The following ARHGAP6 variants were observed in gnomAD, a reference collection of about 807,000 sequenced individuals.
ARHGAP6 encodes Rho GTPase activating protein 6.
Under a neutral mutation model 55.7 loss-of-function variants are expected in ARHGAP6, and 16 were observed. That is an observed-to-expected ratio of 0.29 (90% CI 0.19 to 0.44). The LOEUF (loss-of-function observed/expected upper bound fraction) is 0.44, where lower values mean the gene tolerates loss of function less well. ARHGAP6 is among the 20% of genes least tolerant of loss of function. The pLI, the probability that ARHGAP6 is intolerant of heterozygous loss-of-function variation, is 1.00. For synonymous variants in ARHGAP6, 382 were observed against 360.9 expected (o/e 1.06, Z -0.66); for missense variants, 698 against 808.9 (o/e 0.86, Z 1.66).
intron 1 of ARHGAP6, among the ~76,000 whole-genome samples, chrX:11,641,460 T>C (rs377483818): frequency 2.7e-5 from 3 of 111,604 alleles, no homozygotes; most frequent in East Asian, 5.6e-4. Flanking sequence ...TCTCAAAGTC[T>C]CAACATTTAA....
At chrX:11,608,533 G>A (rs771817480) in intron 1 of ARHGAP6, among the ~76,000 whole-genome samples, 1 of 111,236 alleles carries the variant, frequency 9.0e-6, no homozygotes, top group East Asian at 2.8e-4. Context: ...GACAAGTCTG[G>A]CTATGAGACA....
intron 1 of ARHGAP6, among the ~76,000 whole-genome samples, chrX:11,575,197 A>C (rs774448334): frequency 2.4e-3 from 268 of 111,691 alleles, no homozygotes; most frequent in Non-Finnish European, 4.3e-3. Context: ...GCCATTTTCT[A>C]GGCCATTCCA....
intron 1 of ARHGAP6, among the ~76,000 whole-genome samples, chrX:11,630,939 C>T (rs916567185): frequency 6.3e-5 from 7 of 110,730 alleles, no homozygotes; most frequent in African/African-American, 1.6e-4. Flanking sequence ...GTAGGATTAT[C>T]GAGAGGATGG....
chrX:11,562,501 G>T (rs746056952), intron 1 of ARHGAP6, among the ~76,000 whole-genome samples: 12 of 111,878 alleles, frequency 1.1e-4, no homozygotes, highest in Non-Finnish European at 1.9e-4. Flanking sequence ...ATTTGGATTT[G>T]TTTCTTTTAA....
intron 2 of ARHGAP6, among the ~76,000 whole-genome samples, chrX:11,237,026 T>C (rs779059553): frequency 1.8e-5 from 2 of 112,824 alleles, no homozygotes; most frequent in East Asian, 5.6e-4. Context: ...GTCTGGATGA[T>C]GGGCAAGAAG....
intron 1 of ARHGAP6, among the ~76,000 whole-genome samples, chrX:11,607,515 G>C (rs2052049337): frequency 8.9e-6 from 1 of 112,223 alleles, no homozygotes; most frequent in Non-Finnish European, 1.9e-5. Context: ...ATTATTTAGT[G>C]TTCAGAGATG....
chrX:11,445,487 T>A (rs1469162679), intron 1 of ARHGAP6, among the ~76,000 whole-genome samples: 1 of 112,088 alleles, frequency 8.9e-6, no homozygotes, highest in East Asian at 2.8e-4. Context: ...TGTGTGGACA[T>A]CCTACACACA....
At chrX:11,451,544 G>C (rs972725442) in intron 1 of ARHGAP6, among the ~76,000 whole-genome samples, 2 of 112,080 alleles carry the variant, frequency 1.8e-5, no homozygotes, top group African/African-American at 6.5e-5. Context: ...ATATGAAAGC[G>C]AATCTAGCAA....
intron 1 of ARHGAP6, among the ~76,000 whole-genome samples, chrX:11,564,417 C>T (rs1444979030): frequency 1.8e-5 from 2 of 109,858 alleles, no homozygotes; most frequent in African/African-American, 3.3e-5. Context: ...AAATTAAGGG[C>T]CCATAAGTGC....
At chrX:11,458,052 T>A (rs2050209775) in intron 1 of ARHGAP6, among the ~76,000 whole-genome samples, 1 of 112,159 alleles carries the variant, frequency 8.9e-6, no homozygotes, top group Non-Finnish European at 1.9e-5. Flanking sequence ...CTGACATCTT[T>A]ACTTTGTGAT....
intron 1 of ARHGAP6, among the ~76,000 whole-genome samples, chrX:11,573,861 T>C (rs969772969): frequency 9.0e-6 from 1 of 111,571 alleles, no homozygotes; most frequent in African/African-American, 3.3e-5. Flanking sequence ...TTTTATTTCA[T>C]AGAGCAGTGG....
intron 1 of ARHGAP6, among the ~76,000 whole-genome samples, chrX:11,312,893 G>T (rs1323845634): frequency 9.0e-6 from 1 of 111,006 alleles, no homozygotes; most frequent in Non-Finnish European, 1.9e-5. Context: ...TCCAATTCCA[G>T]CCCCCATCAC....
intron 1 of ARHGAP6, among the ~76,000 whole-genome samples, chrX:11,641,079 GA>G (rs34337605): frequency 0.33 from 35,614 of 108,881 alleles, 4,516 homozygotes; most frequent in African/African-American, 0.44. Flanking sequence ...TAGTAAGTGG[GA>G]AAAAAATATA....
At chrX:11,293,020 A>T (rs1365878171) in intron 1 of ARHGAP6, among the ~76,000 whole-genome samples, 2 of 112,458 alleles carry the variant, frequency 1.8e-5, no homozygotes, top group Non-Finnish European at 3.8e-5. Flanking sequence ...GGGCTGGAAA[A>T]ATCCTGGAGG....
chrX:11,216,065 G>A (rs2147402078), intron 2 of ARHGAP6, among the ~76,000 whole-genome samples: 1 of 111,211 alleles, frequency 9.0e-6, no homozygotes, highest in Admixed American at 9.6e-5. Context: ...TTGCAAAAAT[G>A]CCTCTGTAAA....
At chrX:11,304,243 C>T (rs1393947191) in intron 1 of ARHGAP6, among the ~76,000 whole-genome samples, 1 of 110,334 alleles carries the variant, frequency 9.1e-6, no homozygotes, top group Non-Finnish European at 1.9e-5. Flanking sequence ...GAGTGAGCCA[C>T]CACACCCAGC....
At chrX:11,203,447 A>G (rs1459134285) in intron 2 of ARHGAP6, among the ~76,000 whole-genome samples, 2 of 111,754 alleles carry the variant, frequency 1.8e-5, no homozygotes, top group Non-Finnish European at 3.8e-5. Context: ...ATGCCGGCAC[A>G]GAGGAAATCC....
At chrX:11,413,486 C>G (rs1185034820) in intron 1 of ARHGAP6, among the ~76,000 whole-genome samples, 4 of 112,282 alleles carry the variant, frequency 3.6e-5, no homozygotes, top group Non-Finnish European at 7.5e-5. Context: ...TGGCAGGACC[C>G]AGAGATGGCT....
At chrX:11,330,849 C>T (rs1380973084) in intron 1 of ARHGAP6, among the ~76,000 whole-genome samples, 1 of 112,124 alleles carries the variant, frequency 8.9e-6, no homozygotes. Context: ...CAGGATCCCT[C>T]TCTTCCTTTC....
Sources: gnomAD v4.1 joint callset for allele counts (sites outside exome capture counted in the v4.1 genomes callset) on GRCh38, gnomAD v4.1.1 for gene constraint, MANE v1.5 for transcripts, NCBI Gene and HGNC (gene_info 2026-07-23, HGNC 2026-07-21) for gene names.